The following ARHGAP26 variants were observed in gnomAD, a reference collection of about 807,000 sequenced individuals.
ARHGAP26 encodes the protein Rho GTPase activating protein 26.
In ARHGAP26, 38 loss-of-function variants were observed where a neutral mutation model predicts 104.8. The ratio of observed to expected loss-of-function variants is 0.36; its 90% CI spans 0.28 to 0.48. The LOEUF (loss-of-function observed/expected upper bound fraction) is 0.48, where lower values mean the gene tolerates loss of function less well. Among genes scored for constraint, ARHGAP26 ranks in the 20% least tolerant of loss-of-function variants. The pLI is 0.99. For synonymous variants in ARHGAP26, 341 were observed against 340.0 expected, an observed-to-expected ratio of 1.00 and a Z score of -0.03; for missense variants, 704 against 947.9, an observed-to-expected ratio of 0.74 and a Z score of 3.38.
At chr5:143,196,210 G>T (rs1370540388) in intron 20 of ARHGAP26, among the ~76,000 whole-genome samples, 1 of 151,450 alleles carries the variant, frequency 6.6e-6, no homozygotes, top group East Asian at 1.9e-4. Context: ...CTGCAGCCTT[G>T]CTGGTGTCCA....
chr5:143,113,668 G>A (rs768373932), intron 17 of ARHGAP26, among the ~76,000 whole-genome samples: 97 of 152,250 alleles, frequency 6.4e-4, no homozygotes, highest in Non-Finnish European at 1.1e-3. Context: ...GCCATTTTCC[G>A]CTGCAAGAAA....
At chr5:143,160,308 C>T (rs1801059639) in intron 20 of ARHGAP26, among the ~76,000 whole-genome samples, 1 of 152,036 alleles carries the variant, frequency 6.6e-6, no homozygotes, top group Admixed American at 6.5e-5. Flanking sequence ...ATCCACCTGC[C>T]TCAGCCTCCC....
Position 143,154,411 on chromosome 5 carries a change from C to T in ARHGAP26, c.1988+7030C>T, listed in dbSNP as rs143222099. The stretch of plus-strand genomic sequence containing the variant: ...AAATAGGTGGCATGAAAATTAAGAT[C>T]ATCTTTTACTTACGTATTTTAGTAC... On this transcript the variant is annotated intron_variant, in intron 20 of 22. Transcript: ENST00000645722. Among the ~76,000 whole-genome samples, 58 of 152,248 alleles carry T rather than the reference C, an allele frequency of 3.8e-4. 2 individuals are homozygous for T. The highest frequency in any genetic ancestry group is 1.3e-3 in the African/African-American group (56 of 41,538).
At position 143,145,386 on chromosome 5, in the gene ARHGAP26, T is replaced by C. The variant is rs553909920; in HGVS notation, c.1838-1845T>C. Among the ~76,000 whole-genome samples the C allele has an allele frequency of 1.4e-4, 22 of 152,298 alleles. No individual in the cohort carries two copies. The East Asian group carries it at 3.3e-3, about 23-fold the overall frequency. On this transcript the variant is annotated intron_variant, in intron 19 of 22. Transcript: ENST00000645722. ...CCTGTGAAGCAGTAAATGTCTCCAG[T>C]TGAAGCCCAGGGAACCGTCCTCACT...
intron 1 of ARHGAP26, among the ~76,000 whole-genome samples, chr5:142,831,453 C>A (rs148303139): frequency 6.6e-6 from 1 of 152,078 alleles, no homozygotes; most frequent in Non-Finnish European, 1.5e-5. Context: ...TTTTATCAGC[C>A]GTCTGATTTA....
chr5:142,945,482 A>AG (rs1766967382), intron 11 of ARHGAP26, among the ~76,000 whole-genome samples: 1 of 152,140 alleles, frequency 6.6e-6, no homozygotes, highest in Non-Finnish European at 1.5e-5. Flanking sequence ...GGTGTGAGGG[A>AG]GGCTGCAACG....
At chr5:142,862,522 T>C (rs1200628289) in intron 1 of ARHGAP26, among the ~76,000 whole-genome samples, 1 of 152,270 alleles carries the variant, frequency 6.6e-6, no homozygotes, top group Non-Finnish European at 1.5e-5. Context: ...TTTTGTAATA[T>C]GTATGAAGAA....
At chr5:143,020,230 G>A (rs7734852) in intron 12 of ARHGAP26, among the ~76,000 whole-genome samples, 22,639 of 152,118 alleles carry the variant, frequency 0.15, 3,662 homozygotes, top group African/African-American at 0.4. Flanking sequence ...TTATAGGCAT[G>A]AGCCACCACG....
At chr5:143,065,196 C>A (rs1787305274) in intron 17 of ARHGAP26, among the ~76,000 whole-genome samples, 1 of 152,130 alleles carries the variant, frequency 6.6e-6, no homozygotes, top group Non-Finnish European at 1.5e-5. Context: ...CTAATCCTAG[C>A]AGAGCTTAGA....
chr5:142,968,207 GAC>G (rs1771708602), intron 11 of ARHGAP26, among the ~76,000 whole-genome samples: 1 of 152,240 alleles, frequency 6.6e-6, no homozygotes, highest in East Asian at 1.9e-4. Context: ...TGGAAACTGA[GAC>G]ACAGAGAGAT....
In ARHGAP26 at chr5:143,151,722, AAG is replaced by A. The variant is rs1214650420; in HGVS notation, c.1988+4342_1988+4343del. On this transcript the variant is annotated intron_variant, in intron 20 of 22. Coordinates refer to ENST00000645722, the MANE Select transcript of ARHGAP26 (RefSeq NM_001135608.3). The stretch of plus-strand genomic sequence containing the variant: ...TGTAATCCCAGCACTTTGGGAGGCC[AAG>A]GCAGGCAGATCGCTTGAGGTCAGGA... Among the ~76,000 whole-genome samples the A allele has an allele frequency of 2.6e-5, 4 of 152,274 alleles. No homozygotes were observed. In the East Asian group the frequency reaches 7.7e-4, roughly 29 times the overall value.
Position 143,145,661 on chromosome 5 carries a change from C to T in ARHGAP26, c.1838-1570C>T, listed in dbSNP as rs192687236. On this transcript the variant is annotated intron_variant, in intron 19 of 22. Transcript: ENST00000645722. ...AACTCTTTTGGTTTCTCTTTGTTGT[C>T]GTTTCTGTTCAAAAACGAAGCTCTT... Among the ~76,000 whole-genome samples, 293 of 152,220 alleles carry T rather than the reference C, an allele frequency of 1.9e-3. 1 individual carries two copies. Among genetic ancestry groups the T allele is most frequent in the African/African-American group, 6.6e-3 (275 of 41,536 alleles).
chr5:143,103,795 G>A (rs1034285641), intron 17 of ARHGAP26, among the ~76,000 whole-genome samples: 3 of 151,870 alleles, frequency 2.0e-5, no homozygotes, highest in Non-Finnish European at 2.9e-5. Flanking sequence ...GGACCTAACA[G>A]GGGGTAGGGG....
At chr5:143,106,387 G>A (rs572832073) in intron 17 of ARHGAP26, among the ~76,000 whole-genome samples, 14 of 148,160 alleles carry the variant, frequency 9.4e-5, no homozygotes, top group African/African-American at 3.5e-4. Flanking sequence ...GCTTCCAGTT[G>A]TACTTAGCAG....
chr5:142,811,706 A>G (rs145685554), intron 1 of ARHGAP26, among the ~76,000 whole-genome samples: 12 of 151,840 alleles, frequency 7.9e-5, no homozygotes, highest in African/African-American at 1.4e-4. Context: ...AAGTGAGCCA[A>G]TGCATACAGA....
chr5:143,213,816 T>G (rs1809896351), intron 21 of ARHGAP26, among the ~76,000 whole-genome samples, 181 bp from the exon 22 acceptor site: 1 of 152,162 alleles, frequency 6.6e-6, no homozygotes, highest in Non-Finnish European at 1.5e-5. Flanking sequence ...TATTTCTCAT[T>G]TTTCTCCTGT....
intron 1 of ARHGAP26, among the ~76,000 whole-genome samples, chr5:142,807,148 A>G (rs1042885479): frequency 2.0e-5 from 3 of 152,250 alleles, no homozygotes; most frequent in Non-Finnish European, 2.9e-5. Context: ...CATGAAATTA[A>G]TAACAGTGAA....
chr5:143,161,116 A>G (rs1801184969), intron 20 of ARHGAP26, among the ~76,000 whole-genome samples: 1 of 146,954 alleles, frequency 6.8e-6, no homozygotes, highest in South Asian at 2.1e-4. Context: ...GTTTCAAGTG[A>G]TTCTCATGCC....
intron 7 of ARHGAP26, among the ~76,000 whole-genome samples, chr5:142,902,442 G>C (rs893938514): frequency 1.3e-5 from 2 of 152,302 alleles, no homozygotes; most frequent in South Asian, 4.1e-4. Context: ...GACACATGCT[G>C]GCCTCCAGCT....
Sources: gnomAD v4.1 joint callset for allele counts (sites outside exome capture counted in the v4.1 genomes callset) on GRCh38, gnomAD v4.1.1 for gene constraint, MANE v1.5 for transcripts, NCBI Gene and HGNC (gene_info 2026-07-23, HGNC 2026-07-21) for gene names.